ADK: variants seen among roughly 807,000 people sequenced by gnomAD.
ADK encodes the protein N6,N6-dimethyladenosine kinase.
A neutral mutation model predicts 44.7 loss-of-function variants in ADK; 24 were observed. That is an observed-to-expected ratio of 0.54 (90% confidence interval 0.39 to 0.76). ADK has a LOEUF of 0.76. Ranked by LOEUF, ADK falls within the 30% of genes least tolerant of loss-of-function variation. The probability of loss-of-function intolerance (pLI) is 0.00; values close to 1 mark genes in which losing one functional copy is unlikely to be tolerated. For synonymous variants in ADK, 128 were observed against 142.6 expected (o/e 0.90, Z 0.73); for missense variants, 321 against 425.1 (o/e 0.76, Z 2.15).
At chr10:74,424,069 T>G (rs1844685515) in intron 6 of ADK, 1 of 153,528 alleles carries the variant, frequency 6.5e-6, no homozygotes, top group Non-Finnish European at 1.5e-5. Context: ...GCCATTGCTA[T>G]GCAAAGAGGC....
chr10:74,174,849 T>G (rs577470735), intron 1 of ADK, among the ~76,000 whole-genome samples: 1 of 152,362 alleles, frequency 6.6e-6, no homozygotes, highest in South Asian at 2.1e-4. Flanking sequence ...TTTCCCAGGT[T>G]AAAGAGAACA....
Position 74,622,508 on chromosome 10 carries a change from A to G in ADK, c.877+22015A>G, listed in dbSNP as rs139391107. ...AAGCTATGGCATTAGAGCCTAACCAATAGGTCCCTTATTGAATACATTTTT... is the reference window on the plus strand; with the variant it reads ...AAGCTATGGCATTAGAGCCTAACCAGTAGGTCCCTTATTGAATACATTTTT... On this transcript the variant is annotated intron_variant, in intron 9 of 10. Transcript: ENST00000539909. 3.1e-3 allele frequency among the ~76,000 whole-genome samples: 467 copies of G among 152,312 alleles called. 2 individuals are homozygous for G. The highest frequency in any genetic ancestry group is 0.013 in the South Asian group (62 of 4,824).
chr10:74,624,639 C>T (rs1853116015), intron 9 of ADK, among the ~76,000 whole-genome samples: 1 of 151,972 alleles, frequency 6.6e-6, no homozygotes, highest in African/African-American at 2.4e-5. Context: ...AGCTGTTTAG[C>T]TGTCAGTACT....
intron 1 of ADK, among the ~76,000 whole-genome samples, chr10:74,179,419 TAGTC>T (rs1842457784): frequency 6.6e-6 from 1 of 152,106 alleles, no homozygotes; most frequent in African/African-American, 2.4e-5. Context: ...AGATAGGAGA[TAGTC>T]AGAAGATACA....
chr10:74,462,069 A>G lies in ADK; in HGVS notation c.556-63187A>G, dbSNP rs1846188647. ...CTTTAAAAGCATATGTCTGTTTTAA[A>G]TCTTATACAAATTCCTTGCAGGTTT... On this transcript the variant is annotated intron_variant, in intron 6 of 10. Transcript: ENST00000539909. 2.0e-5 allele frequency among the ~76,000 whole-genome samples: 3 copies of G among 152,216 alleles called. 1 individual carries two copies. The South Asian group carries it at 6.2e-4, about 32-fold the overall frequency.
At chr10:74,213,079 T>A (rs908495672) in intron 2 of ADK, among the ~76,000 whole-genome samples, 1 of 152,146 alleles carries the variant, frequency 6.6e-6, no homozygotes, top group Non-Finnish European at 1.5e-5. Context: ...GTTGGATTTA[T>A]GTTTTTGGTG....
chr10:74,445,271 G>A (rs1470606175), intron 6 of ADK, among the ~76,000 whole-genome samples: 1 of 151,894 alleles, frequency 6.6e-6, no homozygotes, highest in African/African-American at 2.4e-5. Flanking sequence ...TGATTAACAT[G>A]TTAATAACAA....
chr10:74,620,811 A>AT (rs746925409), intron 9 of ADK, among the ~76,000 whole-genome samples: 29 of 150,544 alleles, frequency 1.9e-4, no homozygotes, highest in Non-Finnish European at 3.4e-4. Context: ...CTTTTTTCCC[A>AT]TTTTTTTGGC....
intron 2 of ADK, among the ~76,000 whole-genome samples, chr10:74,210,410 C>T (rs1370697001): frequency 6.7e-6 from 1 of 150,096 alleles, no homozygotes; most frequent in Non-Finnish European, 1.5e-5. Context: ...TCTTACAGAT[C>T]TAAACCTTTA....
chr10:74,453,023 T>C (rs1845827114), intron 6 of ADK, among the ~76,000 whole-genome samples: 1 of 152,058 alleles, frequency 6.6e-6, no homozygotes, highest in South Asian at 2.1e-4. Context: ...TTTGCAGTAA[T>C]TTTACATTTT....
chr10:74,568,333 C>T (rs1400795644), intron 7 of ADK, among the ~76,000 whole-genome samples: 1 of 152,072 alleles, frequency 6.6e-6, no homozygotes, highest in Non-Finnish European at 1.5e-5. Flanking sequence ...GTCATCTCCT[C>T]ACTTTATTGC....
At chr10:74,615,296 T>C (rs1852708929) in intron 9 of ADK, among the ~76,000 whole-genome samples, 1 of 152,222 alleles carries the variant, frequency 6.6e-6, no homozygotes, top group African/African-American at 2.4e-5. Flanking sequence ...TATTCATTTG[T>C]AATACAGGTA....
chr10:74,688,979 A>G (rs866956467), intron 10 of ADK, among the ~76,000 whole-genome samples: 1 of 151,898 alleles, frequency 6.6e-6, no homozygotes, highest in Non-Finnish European at 1.5e-5. Flanking sequence ...GCTGGGGGGC[A>G]TGGTGGCTCA....
chr10:74,446,718 GT>G (rs1223410522), intron 6 of ADK, among the ~76,000 whole-genome samples: 1 of 152,066 alleles, frequency 6.6e-6, no homozygotes, highest in African/African-American at 2.4e-5. Flanking sequence ...TTTCTTATTG[GT>G]TTTAGAGCTT....
At chr10:74,483,249 C>T (rs535784954) in intron 6 of ADK, among the ~76,000 whole-genome samples, 33 of 152,336 alleles carry the variant, frequency 2.2e-4, no homozygotes, top group Admixed American at 1.8e-3. Flanking sequence ...CCAAGGCTTA[C>T]AGCTTGCACC....
At chr10:74,270,141 T>C (rs1846370928) in intron 3 of ADK, among the ~76,000 whole-genome samples, 1 of 152,206 alleles carries the variant, frequency 6.6e-6, no homozygotes. Flanking sequence ...AGGAGTTATT[T>C]TGAAGAATAA....
intron 3 of ADK, among the ~76,000 whole-genome samples, chr10:74,310,996 GT>G (rs2131792379): frequency 6.6e-6 from 1 of 152,022 alleles, no homozygotes; most frequent in African/African-American, 2.4e-5. Context: ...AAATTGCTAT[GT>G]TCTTTTATTA....
chr10:74,421,117 G>C (rs1228629523), intron 6 of ADK, among the ~76,000 whole-genome samples: 2 of 152,118 alleles, frequency 1.3e-5, no homozygotes, highest in African/African-American at 4.8e-5. Context: ...ACAAATGTAT[G>C]GCATAACTTC....
At chr10:74,464,874 G>A (rs1302303333) in intron 6 of ADK, among the ~76,000 whole-genome samples, 1 of 143,002 alleles carries the variant, frequency 7.0e-6, no homozygotes, top group Non-Finnish European at 1.6e-5. Flanking sequence ...AAATTCAAAG[G>A]ACACTTTTTG....
Sources: gnomAD v4.1 joint callset for allele counts (sites outside exome capture counted in the v4.1 genomes callset) on GRCh38, gnomAD v4.1.1 for gene constraint, MANE v1.5 for transcripts, NCBI Gene and HGNC (gene_info 2026-07-23, HGNC 2026-07-21) for gene names.